Variants in FRMD4A observed in about 807,000 individuals in gnomAD.
FRMD4A encodes the protein FERM domain containing 4A.
FRMD4A carries 29 observed loss-of-function variants against 129.1 expected under a neutral mutation model. That is an observed-to-expected ratio of 0.22 (90% CI 0.17 to 0.31). The LOEUF is 0.31. Among genes scored for constraint, FRMD4A ranks in the 10% least tolerant of loss-of-function variants. FRMD4A has a pLI of 1.00. For missense variants in FRMD4A, 1,272 were observed against 1,375.8 expected, an observed-to-expected ratio of 0.92 and a Z score of 1.19; for synonymous variants, 634 against 571.6, an observed-to-expected ratio of 1.11 and a Z score of -1.56.
At chr10:13,840,057 C>T (rs902783446) in intron 3 of FRMD4A, among the ~76,000 whole-genome samples, 9 of 152,214 alleles carry the variant, frequency 5.9e-5, no homozygotes, top group African/African-American at 2.4e-5. Context: ...TAATACCTCA[C>T]AATTGCTTAA....
intron 2 of FRMD4A, among the ~76,000 whole-genome samples, chr10:13,966,667 G>C (rs954685970): frequency 6.6e-6 from 1 of 152,200 alleles, no homozygotes; most frequent in South Asian, 2.1e-4. Context: ...GCTGTGCTGA[G>C]TGGCACATCA....
intron 12 of FRMD4A, among the ~76,000 whole-genome samples, chr10:13,731,510 G>A (rs1564706325): frequency 1.3e-5 from 2 of 152,042 alleles, no homozygotes; most frequent in African/African-American, 4.8e-5. Flanking sequence ...TTAGCTGGGT[G>A]TGGTGGCACG....
intron 3 of FRMD4A, among the ~76,000 whole-genome samples, chr10:13,853,257 G>C (rs1169346383): frequency 6.6e-6 from 1 of 152,178 alleles, no homozygotes; most frequent in East Asian, 1.9e-4. Flanking sequence ...AGAAGGGCCG[G>C]GCGTGTTGGC....
chr10:14,205,561 C>T (rs1004477936), intron 2 of FRMD4A, among the ~76,000 whole-genome samples: 7 of 152,204 alleles, frequency 4.6e-5, no homozygotes, highest in Admixed American at 4.6e-4. Context: ...AATCTCAGCA[C>T]TTTGGGAGGC....
At chr10:14,052,558 C>A (rs1341411682) in intron 2 of FRMD4A, among the ~76,000 whole-genome samples, 1 of 151,788 alleles carries the variant, frequency 6.6e-6, no homozygotes, top group Non-Finnish European at 1.5e-5. Flanking sequence ...GTGCCAGGCT[C>A]TTTTCTTTTT....
At chr10:14,177,227 T>A (rs1411565914) in intron 2 of FRMD4A, among the ~76,000 whole-genome samples, 3 of 152,096 alleles carry the variant, frequency 2.0e-5, no homozygotes, top group Non-Finnish European at 4.4e-5. Context: ...AGACAAAGTA[T>A]CGCTCTGTTG....
chr10:13,968,506 G>A lies in FRMD4A; in HGVS notation c.46-109594C>T, dbSNP rs547763452. On this transcript the variant is annotated intron_variant, in intron 2 of 24. Coordinates refer to ENST00000357447, the MANE Select transcript of FRMD4A (RefSeq NM_018027.5). The stretch of plus-strand genomic sequence containing the variant: ...TCACTCTTCTCACCCAGGCTGGAGC[G>A]CAATGGTGCGATCTCAGCTCACTGC... Among the ~76,000 whole-genome samples the A allele has an allele frequency of 3.0e-4, 46 of 152,294 alleles. 1 individual carries two copies. Among genetic ancestry groups the A allele is most frequent in the Non-Finnish European group, 4.7e-4 (32 of 68,026 alleles).
At chr10:13,727,676 C>G (rs1170679869) in intron 12 of FRMD4A, 1 of 152,272 alleles carries the variant, frequency 6.6e-6, no homozygotes, top group Non-Finnish European at 1.5e-5. Context: ...GTATGTACAA[C>G]ACTCGGGAGT....
chr10:13,679,103 C>T (rs2084250435), intron 15 of FRMD4A, among the ~76,000 whole-genome samples: 3 of 151,966 alleles, frequency 2.0e-5, no homozygotes, highest in Admixed American at 6.6e-5. Flanking sequence ...CTACTTTATA[C>T]TTCTATGAGA....
intron 3 of FRMD4A, among the ~76,000 whole-genome samples, chr10:13,857,605 T>C (rs1445975297): frequency 1.3e-5 from 2 of 152,156 alleles, no homozygotes; most frequent in South Asian, 2.1e-4. Context: ...CCAAGCAGCA[T>C]GTACAAGGCA....
chr10:13,933,015 G>A (rs911912643), intron 2 of FRMD4A, among the ~76,000 whole-genome samples: 1 of 152,110 alleles, frequency 6.6e-6, no homozygotes, highest in Admixed American at 6.5e-5. Context: ...ATAAAAATTA[G>A]TCAGGCGTGG....
intron 2 of FRMD4A, among the ~76,000 whole-genome samples, chr10:13,958,688 C>T (rs183701703): frequency 2.0e-4 from 30 of 151,850 alleles, no homozygotes; most frequent in Admixed American, 1.0e-3. Flanking sequence ...CAGGTTTAAG[C>T]GATTCTCCTG....
intron 15 of FRMD4A, chr10:13,692,135 A>ATAG (rs2085755018): frequency 9.2e-6 from 1 of 108,330 alleles, no homozygotes; most frequent in East Asian, 2.7e-4. Flanking sequence ...ATAAAATTTT[A>ATAG]GCAGCTTTTT....
chr10:13,670,576 C>A (rs553595180), intron 16 of FRMD4A, 48 bp from the exon 17 acceptor site: 5 of 1,599,170 alleles, frequency 3.1e-6, no homozygotes, highest in Non-Finnish European at 4.3e-6. Flanking sequence ...CAGAGTGGGG[C>A]GTGTCTGCTT....
At position 13,684,893 on chromosome 10, in the gene FRMD4A, A is replaced by C. The variant is rs926321514; in HGVS notation, c.1117+9005T>G. ...AGAGAAAAAAAAAAAAAAATGAAGA[A>C]GGCGGTATATTCCCAGCAGATCAGT... is the stretch of plus-strand genomic sequence containing the variant. On this transcript the variant is annotated intron_variant, in intron 15 of 24. Transcript: ENST00000357447. 7.1e-6 allele frequency: 7 copies of C among 984,262 alleles called. No individual in the cohort carries two copies. The Admixed American group carries it at 3.7e-4, about 52-fold the overall frequency. The allele number at this position is 984,262 out of a possible 1,614,324, so 61.0% of individuals were successfully genotyped here.
intron 2 of FRMD4A, among the ~76,000 whole-genome samples, chr10:14,253,182 T>G (rs530881657): frequency 6.6e-6 from 1 of 152,256 alleles, no homozygotes; most frequent in African/African-American, 2.4e-5. Flanking sequence ...AACTGTTGTT[T>G]GTTTTTGTCC....
intron 2 of FRMD4A, among the ~76,000 whole-genome samples, chr10:13,987,760 G>T (rs978321362): frequency 3.3e-5 from 5 of 152,194 alleles, no homozygotes; most frequent in Non-Finnish European, 7.4e-5. Flanking sequence ...GAACACAAAT[G>T]TTGCTGATTC....
intron 2 of FRMD4A, among the ~76,000 whole-genome samples, chr10:13,952,286 C>A (rs1357119186): frequency 1.3e-5 from 2 of 151,752 alleles, no homozygotes; most frequent in African/African-American, 4.8e-5. Context: ...CTGTTTGAGG[C>A]CAGGAGTTCA....
chr10:14,022,209 C>T (rs2446571), intron 2 of FRMD4A, among the ~76,000 whole-genome samples: 22,223 of 152,050 alleles, frequency 0.15, 2,247 homozygotes, highest in African/African-American at 0.29. Context: ...AGAGGAAGTG[C>T]GACAGAAATC....
Sources: gnomAD v4.1 joint callset for allele counts (sites outside exome capture counted in the v4.1 genomes callset) on GRCh38, gnomAD v4.1.1 for gene constraint, MANE v1.5 for transcripts, NCBI Gene and HGNC (gene_info 2026-07-23, HGNC 2026-07-21) for gene names.